Variants in FAM185A observed in about 807,000 individuals in gnomAD.
FAM185A encodes the protein protein FAM185A.
In FAM185A, 21 loss-of-function variants were observed where a neutral mutation model predicts 45.7. The observed-to-expected ratio is 0.46, with a 90% confidence interval of 0.33 to 0.66. The LOEUF (loss-of-function observed/expected upper bound fraction) is 0.66, where lower values mean the gene tolerates loss of function less well. FAM185A is among the 30% of genes least tolerant of loss of function. The probability of loss-of-function intolerance (pLI) is 0.03; values close to 1 mark genes in which losing one functional copy is unlikely to be tolerated. For missense variants in FAM185A, 305 were observed against 485.4 expected (o/e 0.63, Z 3.49); for synonymous variants, 117 against 194.0 (o/e 0.60, Z 3.30).
intron 3 of FAM185A, among the ~76,000 whole-genome samples, chr7:102,758,993 C>G (rs1050890700): frequency 2.0e-5 from 3 of 151,912 alleles, no homozygotes; most frequent in African/African-American, 7.3e-5. Context: ...TCTCTTAGAC[C>G]CCGTGGGAGG....
At chr7:102,821,358 T>C in the FAM185A span, among the ~76,000 whole-genome samples, 34 of 152,206 alleles carry the variant, frequency 2.2e-4, no homozygotes, top group African/African-American at 8.2e-4. Context: ...AATTTTTCTT[T>C]CTTTTTTCCA....
At chr7:102,837,177 T>C in the FAM185A span, among the ~76,000 whole-genome samples, 1 of 152,202 alleles carries the variant, frequency 6.6e-6, no homozygotes, top group African/African-American at 2.4e-5. Flanking sequence ...TTGTTCCCAC[T>C]GGGCATCAGA....
the FAM185A span, among the ~76,000 whole-genome samples, chr7:102,836,370 A>C: frequency 6.6e-6 from 1 of 152,218 alleles, no homozygotes; most frequent in Non-Finnish European, 1.5e-5. Flanking sequence ...TTAAACACAT[A>C]TAAGTCATAT....
chr7:102,779,628 C>G (rs966841814), intron 6 of FAM185A: 1 of 152,004 alleles, frequency 6.6e-6, no homozygotes, highest in Non-Finnish European at 1.5e-5. Context: ...TCCTAAAGCC[C>G]TCATATGTTG....
chr7:102,845,048 G>C, the FAM185A span, among the ~76,000 whole-genome samples: 1 of 152,184 alleles, frequency 6.6e-6, no homozygotes, highest in African/African-American at 2.4e-5. Flanking sequence ...GGATGTGTTC[G>C]CCAACCTGGA....
intron 7 of FAM185A, among the ~76,000 whole-genome samples, chr7:102,806,504 C>T (rs1562882056): frequency 6.6e-6 from 1 of 152,066 alleles, no homozygotes. Flanking sequence ...CTTTTTAAGG[C>T]TACTTAGGTA....
rs986731905 is a variant in FAM185A, at chr7:102,751,344, A to G, written c.452-348A>G. On this transcript the variant is annotated intron_variant, in intron 1 of 7. Coordinates refer to ENST00000413034, the MANE Select transcript of FAM185A (RefSeq NM_001145268.2). ...ATTTTTTAAGTATGAAAGGTTAGAC[A>G]TAGGATTTGAAAACCTAAGTCATGA... 4.3e-4 allele frequency among the ~76,000 whole-genome samples: 65 copies of G among 152,206 alleles called. 1 individual carries two copies. The highest frequency in any genetic ancestry group is 1.7e-3 in the Admixed American group (26 of 15,274).
chr7:102,800,097 G>A (rs768540735), intron 7 of FAM185A, among the ~76,000 whole-genome samples: 2 of 152,158 alleles, frequency 1.3e-5, no homozygotes, highest in African/African-American at 4.8e-5. Flanking sequence ...GACAACTCCC[G>A]TACCAGCCCA....
At chr7:102,818,444 A>C in the FAM185A span, among the ~76,000 whole-genome samples, 1 of 152,262 alleles carries the variant, frequency 6.6e-6, no homozygotes, top group African/African-American at 2.4e-5. Context: ...GATTTAGCAC[A>C]GTACGTGGCA....
chr7:102,828,871 CCTT>C, the FAM185A span, among the ~76,000 whole-genome samples: 37 of 152,292 alleles, frequency 2.4e-4, no homozygotes, highest in African/African-American at 8.4e-4. Context: ...GGCTCAATCA[CCTT>C]CTCAGATGTA....
intron 6 of FAM185A, among the ~76,000 whole-genome samples, chr7:102,778,733 G>A (rs1158534408): frequency 6.6e-6 from 1 of 152,132 alleles, no homozygotes; most frequent in East Asian, 1.9e-4. Context: ...ACTGGCAAAA[G>A]CTTAAAGACA....
rs1162798113 is a variant in FAM185A, at chr7:102,749,312, A to G, written c.105A>G (p.Gln35=). 3 of 1,549,646 alleles carry G rather than the reference A, an allele frequency of 1.9e-6. No individual in the cohort carries two copies. Among genetic ancestry groups the G allele is most frequent in the African/African-American group, 1.4e-5 (1 of 73,028 alleles). The change falls in exon 1 of 8, where the codon CAA becomes CAG. Residue 35 remains glutamine, a synonymous_variant. Coordinates refer to ENST00000413034, the MANE Select transcript of FAM185A (RefSeq NM_001145268.2). ...GGCGCTGGGCTTGCTGGGCTTGCCA[A>G]GCCAGGCCGTACAGCTCAGGTGGGA... ...GAGRWACWAC[Q]ARPYSSGGSE...
intron 6 of FAM185A, among the ~76,000 whole-genome samples, chr7:102,786,154 T>C (rs1269820112): frequency 6.6e-6 from 1 of 152,096 alleles, no homozygotes; most frequent in Non-Finnish European, 1.5e-5. Flanking sequence ...CCAGTTAGAA[T>C]GGCGATCATT....
At chr7:102,785,126 C>A (rs938287112) in intron 6 of FAM185A, among the ~76,000 whole-genome samples, 1 of 151,852 alleles carries the variant, frequency 6.6e-6, no homozygotes, top group Non-Finnish European at 1.5e-5. Context: ...TTACAAGGGA[C>A]GTGAAGGACC....
the FAM185A span, among the ~76,000 whole-genome samples, chr7:102,816,718 T>C: frequency 6.6e-6 from 1 of 152,304 alleles, no homozygotes; most frequent in Non-Finnish European, 1.5e-5. Context: ...ATCAGCCAAA[T>C]AGTGAACATA....
At chr7:102,816,419 TC>T in the FAM185A span, 1 of 152,420 alleles carries the variant, frequency 6.6e-6, no homozygotes, top group African/African-American at 2.4e-5. Context: ...TATTCCCTAT[TC>T]CACTTCTTTC....
chr7:102,750,567 T>A (rs1243927860), intron 1 of FAM185A, among the ~76,000 whole-genome samples: 7 of 152,188 alleles, frequency 4.6e-5, no homozygotes, highest in African/African-American at 1.7e-4. Flanking sequence ...AATTGCTGTA[T>A]TTGTTATTAT....
intron 7 of FAM185A, among the ~76,000 whole-genome samples, chr7:102,787,797 C>T (rs1795903046): frequency 6.6e-6 from 1 of 152,192 alleles, no homozygotes; most frequent in South Asian, 2.1e-4. Flanking sequence ...TTAAAACTAA[C>T]TTCGTGTGAC....
At chr7:102,833,668 G>A in the FAM185A span, among the ~76,000 whole-genome samples, 1 of 150,948 alleles carries the variant, frequency 6.6e-6, no homozygotes, top group South Asian at 2.1e-4. Context: ...CTGACCTCAA[G>A]TGATCCACCC....
Sources: allele counts gnomAD v4.1 joint callset (sites outside exome capture counted in the v4.1 genomes callset), GRCh38; gene constraint gnomAD v4.1.1; transcripts MANE v1.5; gene names NCBI Gene and HGNC (gene_info 2026-07-23, HGNC 2026-07-21).